Variants in GARNL3 observed in about 807,000 individuals in gnomAD.
GARNL3 encodes the protein GTPase-activating Rap/Ran-GAP domain-like protein 3.
In GARNL3, 63 loss-of-function variants were observed where a neutral mutation model predicts 125.0. The observed-to-expected ratio is 0.50, with a 90% confidence interval of 0.41 to 0.62. The LOEUF (loss-of-function observed/expected upper bound fraction) is 0.62, where lower values mean the gene tolerates loss of function less well. GARNL3 is among the 20% of genes least tolerant of loss of function. The pLI is 0.00. For synonymous variants in GARNL3, 439 were observed against 457.5 expected (o/e 0.96, Z 0.52); for missense variants, 994 against 1,244.0 (o/e 0.80, Z 3.02).
At chr9:127,276,969 C>A (rs2063973479) in intron 1 of GARNL3, among the ~76,000 whole-genome samples, 1 of 152,228 alleles carries the variant, frequency 6.6e-6, no homozygotes, top group African/African-American at 2.4e-5. Context: ...ATTAACTTGT[C>A]CAAGGTCACA....
intron 4 of GARNL3, among the ~76,000 whole-genome samples, chr9:127,315,265 G>A (rs1187593037): frequency 6.6e-6 from 1 of 152,112 alleles, no homozygotes; most frequent in Non-Finnish European, 1.5e-5. Context: ...AGAGGCTATG[G>A]GAAGTCCACA....
chr9:127,283,771 A>T (rs2064164205), intron 1 of GARNL3, among the ~76,000 whole-genome samples: 1 of 152,206 alleles, frequency 6.6e-6, no homozygotes, highest in African/African-American at 2.4e-5. Context: ...TGCCTGGCAG[A>T]TCCTAGCCAA....
intron 7 of GARNL3, among the ~76,000 whole-genome samples, chr9:127,330,706 G>A (rs77957744): frequency 0.013 from 1,879 of 145,552 alleles, 51 homozygotes; most frequent in African/African-American, 0.047. Context: ...GCTTTATATG[G>A]GGAGATCAGG....
chr9:127,252,346 A>C (rs1193670077), intron 2 of GARNL3, among the ~76,000 whole-genome samples: 1 of 152,160 alleles, frequency 6.6e-6, no homozygotes, highest in Non-Finnish European at 1.5e-5. Flanking sequence ...CTAGCCATCT[A>C]CAGAGACCTT....
At chr9:127,349,098 G>A in intron 17 of GARNL3, 63 bp downstream of exon 17, 1 of 1,139,302 alleles carries the variant, frequency 8.8e-7, no homozygotes, top group East Asian at 2.3e-5. Context: ...TCTAAGATGA[G>A]TGACCACCAA....
At chr9:127,302,634 G>A (rs991227349) in intron 2 of GARNL3, among the ~76,000 whole-genome samples, 4 of 152,184 alleles carry the variant, frequency 2.6e-5, no homozygotes, top group African/African-American at 9.7e-5. Context: ...GAAAATTTCT[G>A]AAAAGATACA....
In GARNL3 at chr9:127,392,557, T is replaced by C. The variant is rs1832924441; in HGVS notation, c.2871-526T>C. On this transcript the variant is annotated intron_variant, in intron 27 of 27. Transcript: ENST00000373387. The surrounding 1 kb of genome is among the most constrained non-coding windows in gnomAD (Gnocchi z 5.2). ...GCCAGGAACTGTGTGAGGCCGAGAG[T>C]GGGCAGCAGCTGAGCCAGGTGGGCT... Among the ~76,000 whole-genome samples, 1 of 152,076 alleles carries C rather than the reference T, an allele frequency of 6.6e-6. No individual in the cohort carries two copies. Among genetic ancestry groups the C allele is most frequent in the Admixed American group, 6.5e-5 (1 of 15,268 alleles).
At chr9:127,250,568 A>G (rs1267789010) in intron 2 of GARNL3, among the ~76,000 whole-genome samples, 1 of 152,166 alleles carries the variant, frequency 6.6e-6, no homozygotes, top group East Asian at 1.9e-4. Context: ...TATCCATGGA[A>G]CCATGTTCAG....
intron 1 of GARNL3, among the ~76,000 whole-genome samples, chr9:127,233,424 T>C (rs1428653915): frequency 1.3e-5 from 2 of 152,132 alleles, no homozygotes; most frequent in African/African-American, 4.8e-5. Flanking sequence ...CACAGTGCTA[T>C]TACCAGAAGA....
At chr9:127,356,093 A>G (rs539943978) in intron 20 of GARNL3, among the ~76,000 whole-genome samples, 33 of 152,352 alleles carry the variant, frequency 2.2e-4, no homozygotes, top group African/African-American at 5.5e-4. Context: ...GGCCATTGCA[A>G]AGACTTCGGC....
intron 19 of GARNL3, 36 bp from the exon 20 acceptor site, chr9:127,355,261 T>A (rs1830626016): frequency 6.3e-7 from 1 of 1,594,404 alleles, no homozygotes; most frequent in Non-Finnish European, 8.6e-7. Flanking sequence ...CACACCCGCA[T>A]GTCATGTGTA....
chr9:127,357,352 G>C lies in GARNL3; in HGVS notation c.2069G>C (p.Arg690Thr). 1 of 1,614,038 alleles carries C rather than the reference G, an allele frequency of 6.2e-7. No homozygotes were observed. Among genetic ancestry groups the C allele is most frequent in the Non-Finnish European group, 8.5e-7 (1 of 1,180,030 alleles). Residue 690 changes from arginine (R) to threonine (T), a missense_variant, in exon 21 of 28, where the codon AGG becomes ACG. Coordinates refer to ENST00000373387, the MANE Select transcript of GARNL3 (RefSeq NM_032293.5). ...VVNESTGEAFRLHHVEANRVN... is the reference protein window; with the variant it reads ...VVNESTGEAFTLHHVEANRVN... Reference sequence around the variant, plus strand: ...AATGAGAGCACAGGAGAAGCCTTCAGGCTGCACCACGTGGAGGCCAACAGG... The same window carrying C: ...AATGAGAGCACAGGAGAAGCCTTCACGCTGCACCACGTGGAGGCCAACAGG...
chr9:127,260,910 A>G (rs554007475), upstream of GARNL3, among the ~76,000 whole-genome samples: 1 of 152,310 alleles, frequency 6.6e-6, no homozygotes, highest in East Asian at 1.9e-4. Context: ...TTAAGGCAAT[A>G]AAAGTTATTG....
intron 15 of GARNL3, 96 bp downstream of exon 15, chr9:127,344,435 C>T (rs1178462075): frequency 7.5e-6 from 6 of 800,442 alleles, no homozygotes; most frequent in Non-Finnish European, 1.3e-5. Flanking sequence ...TTGCCTGCTG[C>T]TGTAGGAGCT....
At chr9:127,383,345 G>A (rs3824415) in intron 22 of GARNL3, 93 bp from the exon 23 acceptor site, 138,872 of 721,436 alleles carry the variant, frequency 0.19, 15,301 homozygotes, top group East Asian at 0.41. Flanking sequence ...AGCAGATAGG[G>A]TACTATTCTT....
intron 25 of GARNL3, chr9:127,388,505 G>T: frequency 4.3e-6 from 1 of 232,036 alleles, no homozygotes; most frequent in Non-Finnish European, 8.5e-6. Context: ...GGCTTTGCCC[G>T]CAAACCCCAG....
At chr9:127,360,001 C>A (rs1267436119) in intron 21 of GARNL3, among the ~76,000 whole-genome samples, 1 of 130,914 alleles carries the variant, frequency 7.6e-6, no homozygotes, top group African/African-American at 3.0e-5. Flanking sequence ...AAAGTTTTTT[C>A]CTAAGAGAAA....
Position 127,311,657 on chromosome 9 carries a change from A to G in GARNL3, c.241A>G (p.Thr81Ala). ...SDENATALPG[T>A]WRRTDVHLEN... ...ACAGAATGCAACTGCCCTGCCTGGT[A>G]CTTGGCGAAGAACAGACGTGCACTT... Residue 81 changes from threonine to alanine, a missense_variant, in exon 3 of 28, where the codon ACT becomes GCT. Coordinates refer to ENST00000373387, the MANE Select transcript of GARNL3 (RefSeq NM_032293.5). The G allele has an allele frequency of 3.7e-6, 6 of 1,613,842 alleles. No homozygotes were observed. Among genetic ancestry groups the G allele is most frequent in the South Asian group, 1.1e-5 (1 of 91,082 alleles).
intron 21 of GARNL3, among the ~76,000 whole-genome samples, chr9:127,360,257 G>A (rs774233612): frequency 1.2e-4 from 18 of 152,196 alleles, no homozygotes; most frequent in Non-Finnish European, 1.9e-4. Context: ...TCCTGACCTC[G>A]TGATCCCGCC....
Sources: gnomAD v4.1 joint callset for allele counts (sites outside exome capture counted in the v4.1 genomes callset) on GRCh38, gnomAD v4.1.1 for gene constraint, Gnocchi (gnomAD v3.1) non-coding constraint, MANE v1.5 for transcripts, NCBI Gene and HGNC (gene_info 2026-07-23, HGNC 2026-07-21) for gene names.